The following GPR137C variants were observed in gnomAD, a reference collection of about 807,000 sequenced individuals.
GPR137C encodes the protein G protein-coupled receptor 137C.
A neutral mutation model predicts 43.4 loss-of-function variants in GPR137C; 27 were observed. That is an observed-to-expected ratio of 0.62 (90% CI 0.46 to 0.86). The LOEUF (loss-of-function observed/expected upper bound fraction) is 0.86, where lower values mean the gene tolerates loss of function less well. Ranked by LOEUF, GPR137C falls within the 40% of genes least tolerant of loss-of-function variation. GPR137C has a pLI of 0.00. For missense variants in GPR137C, 522 were observed against 534.6 expected (o/e 0.98, Z 0.23); for synonymous variants, 285 against 226.9 (o/e 1.26, Z -2.30).
chr14:52,554,784 A>G (rs1389175245), intron 1 of GPR137C, among the ~76,000 whole-genome samples: 3 of 152,164 alleles, frequency 2.0e-5, no homozygotes, highest in East Asian at 1.9e-4. Flanking sequence ...CTCCTTTAAT[A>G]GGAAGTAGAA....
chr14:52,579,732 A>T (rs2038616141), intron 1 of GPR137C, among the ~76,000 whole-genome samples: 1 of 152,234 alleles, frequency 6.6e-6, no homozygotes, highest in Non-Finnish European at 1.5e-5. Context: ...CAGTGGAGTT[A>T]CACAGGATGT....
chr14:52,628,895 CAA>C (rs1444971704), intron 3 of GPR137C, among the ~76,000 whole-genome samples: 2 of 152,162 alleles, frequency 1.3e-5, no homozygotes, highest in Non-Finnish European at 2.9e-5. Flanking sequence ...GTATATCTGA[CAA>C]GAGTTGATTG....
At chr14:52,589,429 TG>T (rs887447166) in intron 1 of GPR137C, among the ~76,000 whole-genome samples, 4 of 152,128 alleles carry the variant, frequency 2.6e-5, no homozygotes, top group Non-Finnish European at 4.4e-5. Flanking sequence ...AAATCATGTA[TG>T]GGGGGAATTT....
intron 1 of GPR137C, among the ~76,000 whole-genome samples, chr14:52,590,618 G>C (rs919449332): frequency 9.9e-5 from 15 of 151,998 alleles, no homozygotes; most frequent in Non-Finnish European, 1.8e-4. Flanking sequence ...CATTTTTACT[G>C]TATGTTTTCT....
intron 3 of GPR137C, among the ~76,000 whole-genome samples, chr14:52,601,157 G>A (rs558761113): frequency 6.6e-6 from 1 of 152,184 alleles, no homozygotes. Context: ...GGCATTGGGT[G>A]TGAGGGGGTA....
rs751475120 is a variant in GPR137C at position 52,634,932 on chromosome 14, T to TCC, written c.1113-6_1113-5insCC. On this transcript the variant is annotated splice_polypyrimidine_tract_variant and splice_region_variant and intron_variant, in intron 6 of 6. Transcript: ENST00000321662. ...CTATGGTCTTTTTGCCTTTTTTTTG[T>TCC]TGCAGTTTACCAAATTCGCAAAGTT... The TCC allele has an allele frequency of 1.2e-6, 2 of 1,611,224 alleles. No individual in the cohort carries two copies. The highest frequency in any genetic ancestry group is 3.4e-5 in the Admixed American group (2 of 59,390).
intron 3 of GPR137C, 151 bp from the exon 4 acceptor site, chr14:52,632,009 T>C (rs574226981): frequency 1.8e-6 from 1 of 546,308 alleles, no homozygotes. Flanking sequence ...GGAATAGGAA[T>C]TGAAAAGCAA....
At chr14:52,605,051 G>A (rs1471348410) in intron 3 of GPR137C, among the ~76,000 whole-genome samples, 1 of 152,014 alleles carries the variant, frequency 6.6e-6, no homozygotes, top group Non-Finnish European at 1.5e-5. Flanking sequence ...GGTCTTTTGT[G>A]GTTCCATATA....
intron 1 of GPR137C, among the ~76,000 whole-genome samples, chr14:52,573,584 G>T (rs2038504734): frequency 6.6e-6 from 1 of 152,004 alleles, no homozygotes; most frequent in Non-Finnish European, 1.5e-5. Flanking sequence ...ACGATGGATT[G>T]AAGACTTAAA....
chr14:52,609,259 GTTT>G (rs1566620163), intron 3 of GPR137C, among the ~76,000 whole-genome samples: 1 of 151,842 alleles, frequency 6.6e-6, no homozygotes, highest in Non-Finnish European at 1.5e-5. Context: ...CTGTTTGATT[GTTT>G]TTATTATTTC....
intron 1 of GPR137C, among the ~76,000 whole-genome samples, chr14:52,576,745 C>T (rs2038558842): frequency 6.6e-6 from 1 of 152,196 alleles, no homozygotes; most frequent in South Asian, 2.1e-4. Flanking sequence ...CACATTCTTC[C>T]TACCTGCACA....
rs2039351070 is a variant in GPR137C, at chr14:52,636,218, A to G, written c.*1103A>G. On this transcript the variant is annotated 3_prime_UTR_variant, in exon 7 of 7. Coordinates refer to ENST00000321662, the MANE Select transcript of GPR137C (RefSeq NM_001099652.2). The stretch of plus-strand genomic sequence containing the variant: ...ATTCCAGCATTAGACTAAATGAGCA[A>G]ACTTAAGTAAATGTACAAACTAGGT... 1 of 152,098 alleles carries G rather than the reference A, an allele frequency of 6.6e-6. No homozygotes were observed. Among genetic ancestry groups the G allele is most frequent in the South Asian group, 2.1e-4 (1 of 4,830 alleles). 9.4% of individuals were successfully genotyped at this position (152,098 alleles called of 1,614,324 possible).
chr14:52,603,558 G>A (rs2038950721), intron 3 of GPR137C, among the ~76,000 whole-genome samples: 1 of 152,100 alleles, frequency 6.6e-6, no homozygotes, highest in African/African-American at 2.4e-5. Context: ...TTTTGAGATG[G>A]AGTCTTGCTC....
At position 52,614,256 on chromosome 14, in the gene GPR137C, T is replaced by A. The variant is rs537326800; in HGVS notation, c.717+13915T>A. Among the ~76,000 whole-genome samples, 20 of 150,696 alleles carry A rather than the reference T, an allele frequency of 1.3e-4. No homozygotes were observed. The East Asian group carries it at 4.0e-3, about 30-fold the overall frequency. On this transcript the variant is annotated intron_variant, in intron 3 of 6. Coordinates refer to ENST00000321662, the MANE Select transcript of GPR137C (RefSeq NM_001099652.2). ...CCACTTCAGCCTCCCTATTAGCTGG[T>A]ACCGTAGGCATGCACCACCACACCT...
intron 1 of GPR137C, among the ~76,000 whole-genome samples, chr14:52,593,160 C>T (rs536664392): frequency 5.4e-4 from 83 of 152,304 alleles, no homozygotes; most frequent in African/African-American, 1.9e-3. Context: ...TTAAACCAGC[C>T]TTGCATCCCA....
chr14:52,627,185 G>C (rs916453387), intron 3 of GPR137C, among the ~76,000 whole-genome samples: 1 of 152,050 alleles, frequency 6.6e-6, no homozygotes, highest in Admixed American at 6.5e-5. Flanking sequence ...TTTGGCTTAG[G>C]AGTTCAAGAC....
At chr14:52,614,838 C>T (rs1201562734) in intron 3 of GPR137C, among the ~76,000 whole-genome samples, 1 of 152,082 alleles carries the variant, frequency 6.6e-6, no homozygotes, top group Admixed American at 6.5e-5. Context: ...AGTTTGAGTT[C>T]CTCATATATT....
rs186536862 is a variant in GPR137C, at chr14:52,567,311, C to T, written c.444+13720C>T. The stretch of plus-strand genomic sequence containing the variant: ...TTAAATAGCAGAACATAATAAGACT[C>T]AAATGGTAGCTATTATTATTTTAGA... On this transcript the variant is annotated intron_variant, in intron 1 of 6. Transcript: ENST00000321662. 5.4e-3 allele frequency among the ~76,000 whole-genome samples: 818 copies of T among 152,148 alleles called. 5 individuals carry two copies. Among genetic ancestry groups the T allele is most frequent in the Non-Finnish European group, 7.1e-3 (486 of 67,996 alleles).
intron 1 of GPR137C, among the ~76,000 whole-genome samples, chr14:52,594,495 G>A (rs1208896264): frequency 6.6e-6 from 1 of 152,234 alleles, no homozygotes; most frequent in Non-Finnish European, 1.5e-5. Flanking sequence ...ATGAGTCTGG[G>A]TGCTTCTGTA....
Sources: gnomAD v4.1 joint callset for allele counts (sites outside exome capture counted in the v4.1 genomes callset) on GRCh38, gnomAD v4.1.1 for gene constraint, MANE v1.5 for transcripts, NCBI Gene and HGNC (gene_info 2026-07-23, HGNC 2026-07-21) for gene names.